Variants in HEATR5B observed in about 807,000 individuals in gnomAD.
HEATR5B encodes HEAT repeat containing 5B.
A neutral mutation model predicts 224.1 loss-of-function variants in HEATR5B; 156 were observed. The ratio of observed to expected loss-of-function variants is 0.70; its 90% CI spans 0.61 to 0.80. The LOEUF is 0.80. Among genes scored for constraint, HEATR5B ranks in the 30% least tolerant of loss-of-function variants. The pLI, the probability that HEATR5B is intolerant of heterozygous loss-of-function variation, is 0.00. For synonymous variants in HEATR5B, 1,027 were observed against 893.0 expected (o/e 1.15, Z -2.68); for missense variants, 2,323 against 2,535.5 (o/e 0.92, Z 1.80).
chr2:37,045,184 C>T (rs1553315830), intron 18 of HEATR5B, among the ~76,000 whole-genome samples: 1 of 151,094 alleles, frequency 6.6e-6, no homozygotes, highest in Non-Finnish European at 1.5e-5. Flanking sequence ...CTAATTTCAT[C>T]TTTTTTTTTC....
rs769661916 is a variant in HEATR5B, at chr2:36,981,347, A to G, written c.*143T>C. 4.7e-5 allele frequency: 25 copies of G among 527,128 alleles called. No individual in the cohort carries two copies. Among genetic ancestry groups the G allele is most frequent in the Admixed American group, 1.5e-4 (4 of 25,850 alleles). The allele number at this position is 527,128 out of a possible 1,614,324, so 32.7% of individuals were successfully genotyped here. ...TTAAAAATCAATAAGTGGTGTGAGC[A>G]TTATTTCACTTAACCTACTTGGAAG... On this transcript the variant is annotated 3_prime_UTR_variant, in exon 36 of 36. Transcript: ENST00000233099.
Position 37,008,627 on chromosome 2 carries a change from A to G in HEATR5B, c.4506T>C (p.Ser1502=). The G allele has an allele frequency of 6.2e-7, 1 of 1,612,706 alleles. No homozygotes were observed. ...AATACTCACCATCTGGAGGAAGCTG[A>G]CTAGAAAATTCGGCTGGTAAAGTCA... ...ALLTLPAEFS[S]QLPPDGGAFY... Residue 1502 remains serine (S), a synonymous_variant, in exon 28 of 36, where the codon AGT becomes AGC. Transcript: ENST00000233099.
intron 22 of HEATR5B, among the ~76,000 whole-genome samples, chr2:37,031,642 G>C (rs750384015): frequency 6.6e-6 from 1 of 151,926 alleles, no homozygotes; most frequent in Non-Finnish European, 1.5e-5. Context: ...AAACAGTACT[G>C]TCTACTGGTA....
At chr2:37,047,798 T>C (rs1390224962) in intron 18 of HEATR5B, among the ~76,000 whole-genome samples, 3 of 152,222 alleles carry the variant, frequency 2.0e-5, no homozygotes, top group Non-Finnish European at 2.9e-5. Flanking sequence ...GAGATGATGT[T>C]GATGAAAACA....
chr2:36,981,941 A>C (rs1025948098), intron 35 of HEATR5B, 147 bp from the exon 36 acceptor site: 2 of 458,896 alleles, frequency 4.4e-6, no homozygotes, highest in African/African-American at 2.0e-5. Context: ...CTCGTAATTA[A>C]TATTAAATAT....
intron 3 of HEATR5B, 27 bp from the exon 4 acceptor site, chr2:37,077,046 C>A: frequency 6.7e-7 from 1 of 1,503,612 alleles, no homozygotes; most frequent in South Asian, 1.1e-5. Flanking sequence ...CTTCACTAGT[C>A]ATTGTCCAGG....
chr2:37,060,838 G>A, intron 11 of HEATR5B, 105 bp from the exon 12 acceptor site: 1 of 843,182 alleles, frequency 1.2e-6, no homozygotes, highest in Non-Finnish European at 1.8e-6. Flanking sequence ...TTTTAGAGAT[G>A]AAAATAGAGT....
intron 34 of HEATR5B, 83 bp downstream of exon 34, chr2:36,990,565 A>G: frequency 8.1e-7 from 1 of 1,240,332 alleles, no homozygotes; most frequent in Non-Finnish European, 1.1e-6. Context: ...TTCATTATGT[A>G]TCACATATTT....
At chr2:36,986,721 A>G (rs965313440) in intron 35 of HEATR5B, among the ~76,000 whole-genome samples, 1 of 152,120 alleles carries the variant, frequency 6.6e-6, no homozygotes, top group Non-Finnish European at 1.5e-5. Flanking sequence ...GGGTTCAAGC[A>G]ATTCTCCCGT....
intron 30 of HEATR5B, among the ~76,000 whole-genome samples, chr2:37,004,417 C>T (rs1667282539): frequency 6.6e-6 from 1 of 151,120 alleles, no homozygotes; most frequent in African/African-American, 2.4e-5. Context: ...AATGACAATG[C>T]TCAAGTCTTT....
In HEATR5B at chr2:37,049,718, T is replaced by C. The variant is rs747066920; in HGVS notation, c.2631A>G (p.Gly877=). The change falls in exon 18 of 36, where the codon GGA becomes GGG. Residue 877 remains glycine (G), a synonymous_variant. Transcript: ENST00000233099. ...ILRCAAGEAL[G]RMAQVVGEAT... is the part of the protein sequence containing the mutation. ...CTTCTCCAACCACCTGAGCCATTCTTCCAAGAGCTTCCCCCGCTGCACAAC... is the reference window on the plus strand; with the variant it reads ...CTTCTCCAACCACCTGAGCCATTCTCCCAAGAGCTTCCCCCGCTGCACAAC... 6.2e-7 allele frequency: 1 copy of C among 1,614,078 alleles called. No individual in the cohort carries two copies. Among genetic ancestry groups the C allele is most frequent in the Admixed American group, 1.7e-5 (1 of 60,000 alleles).
chr2:37,052,979 A>C (rs1670654609), intron 17 of HEATR5B, among the ~76,000 whole-genome samples: 1 of 152,244 alleles, frequency 6.6e-6, no homozygotes, highest in African/African-American at 2.4e-5. Flanking sequence ...GCAGAAAGCA[A>C]AACTGCAGAT....
chr2:37,073,639 T>C (rs1311308511), intron 5 of HEATR5B, among the ~76,000 whole-genome samples: 1 of 152,196 alleles, frequency 6.6e-6, no homozygotes, highest in African/African-American at 2.4e-5. Flanking sequence ...CTACAAGATG[T>C]TGCTAAGAGA....
At chr2:37,014,545 TCCA>T (rs959469951) in intron 26 of HEATR5B, among the ~76,000 whole-genome samples, 7 of 152,140 alleles carry the variant, frequency 4.6e-5, no homozygotes, top group Admixed American at 3.9e-4. Context: ...TTAACATGTT[TCCA>T]CCGTGTACTT....
At position 37,056,585 on chromosome 2, in the gene HEATR5B, C is replaced by A; in HGVS notation, c.2254G>T (p.Ala752Ser). ...ATAGAGGAAGGATCATGCTCCAGAG[C>A]CCCACTTCCAGAGGCACTGTTTGGC... ...LQPNSASGSG[A>S]LEHDPSSIYL... The change falls in exon 16 of 36, where the codon GCT becomes TCT. Residue 752 changes from alanine to serine, a missense_variant. By Grantham distance (99) the Ala-to-Ser change is moderately conservative. Around this residue, in one of 12 missense-constraint regions of HEATR5B, gnomAD observed 170 missense variants for 216.7 expected, o/e 0.78. Transcript: ENST00000233099. 6.2e-7 allele frequency: 1 copy of A among 1,606,870 alleles called. No individual in the cohort carries two copies. Among genetic ancestry groups the A allele is most frequent in the African/African-American group, 1.3e-5 (1 of 74,502 alleles).
intron 27 of HEATR5B, 60 bp downstream of exon 27, chr2:37,013,781 A>G (rs1446793056): frequency 1.4e-6 from 2 of 1,409,494 alleles, no homozygotes; most frequent in Non-Finnish European, 1.9e-6. Context: ...AGAGTAGAGG[A>G]ACATTTTCTC....
Position 37,027,985 on chromosome 2 carries a change from T to G in HEATR5B, c.3791A>C (p.Asn1264Thr), listed in dbSNP as rs1336149250. Residue 1264 changes from asparagine to threonine, a missense_variant, in exon 24 of 36, where the codon AAT (asparagine) becomes ACT (threonine). Around this residue, in one of 12 missense-constraint regions of HEATR5B, gnomAD observed 339 missense variants for 378.4 expected, o/e 0.90. Coordinates refer to ENST00000233099, the MANE Select transcript of HEATR5B (RefSeq NM_019024.3). ...AAGATCAAAGTGAGCCTGGTCTGCA[T>G]TCTCACACAAATTGATGATTCGACA... ...CLCRIINLCE[N>T]ADQAHFDLAL... 1 of 1,614,070 alleles carries G rather than the reference T, an allele frequency of 6.2e-7. No homozygotes were observed. Among genetic ancestry groups the G allele is most frequent in the Admixed American group, 1.7e-5 (1 of 60,006 alleles).
intron 6 of HEATR5B, among the ~76,000 whole-genome samples, 158 bp downstream of exon 6, chr2:37,071,951 TG>T (rs1671934173): frequency 6.6e-6 from 1 of 152,200 alleles, no homozygotes; most frequent in Admixed American, 6.5e-5. Context: ...CCAGAAGTGC[TG>T]GGATTACAGG....
intron 18 of HEATR5B, among the ~76,000 whole-genome samples, chr2:37,045,974 C>A (rs762827866): frequency 6.6e-6 from 1 of 152,174 alleles, no homozygotes; most frequent in Non-Finnish European, 1.5e-5. Context: ...TATTCCACCA[C>A]TAATGGCAGT....
Sources: allele counts gnomAD v4.1 joint callset (sites outside exome capture counted in the v4.1 genomes callset), GRCh38; gene constraint gnomAD v4.1.1; regional missense constraint gnomAD v4.1.1; transcripts MANE v1.5; gene names NCBI Gene and HGNC (gene_info 2026-07-23, HGNC 2026-07-21).